Variants in WDR87 observed in about 807,000 individuals in gnomAD.
WDR87 encodes WD repeat domain 87.
Under a neutral mutation model 83.3 loss-of-function variants are expected in WDR87, and 56 were observed. That is an observed-to-expected ratio of 0.67 (90% CI 0.54 to 0.84). The LOEUF (loss-of-function observed/expected upper bound fraction) is 0.84. Among genes scored for constraint, WDR87 ranks in the 40% least tolerant of loss-of-function variants. The probability of loss-of-function intolerance (pLI) is 0.00; values close to 1 mark genes in which losing one functional copy is unlikely to be tolerated. For synonymous variants in WDR87, 1,173 were observed against 1,250.6 expected, an observed-to-expected ratio of 0.94 and a Z score of 1.31; for missense variants, 2,939 against 3,431.9, an observed-to-expected ratio of 0.86 and a Z score of 3.59.
chr19:37,897,478 G>T lies in WDR87; in HGVS notation c.75+687C>A, dbSNP rs1315568492. On this transcript the variant is annotated intron_variant, in intron 2 of 5. Coordinates refer to ENST00000447313, the MANE Select transcript of WDR87 (RefSeq NM_001291088.2). ...GCCTACCTCGCCCTGGCAAAGTGCT[G>T]ACATTACAGGCATAAGCCACCACGC... Among the ~76,000 whole-genome samples, 4 of 151,952 alleles carry T rather than the reference G, an allele frequency of 2.6e-5. No individual in the cohort carries two copies. The East Asian group carries it at 7.8e-4, about 30-fold the overall frequency.
chr19:37,902,660 C>T (rs1483177058), intron 1 of WDR87, among the ~76,000 whole-genome samples: 2 of 152,220 alleles, frequency 1.3e-5, no homozygotes, highest in East Asian at 1.9e-4. Context: ...TGGGTGTTGA[C>T]ACTGGAACTA....
rs1480837828 is a variant in WDR87 at position 37,890,268 on chromosome 19, A to G, written c.3403T>C (p.Trp1135Arg). The G allele has an allele frequency of 6.6e-7, 1 of 1,521,356 alleles. No individual in the cohort carries two copies. Among genetic ancestry groups the G allele is most frequent in the Non-Finnish European group, 8.8e-7 (1 of 1,130,502 alleles). The allele number at this position is 1,521,356 out of a possible 1,614,324, so 94.2% of individuals were successfully genotyped here. A position where few individuals can be genotyped will look rare whatever the true frequency, so the allele number is the denominator to read the frequency against. ...QAGVKKHSQK[W>R]LRGLKKTKER... ...TTCGTCTTCTTGAGACCCCGCAACCATTTTTGGCCTGCAGTAAAAATCGAG... is the reference window on the plus strand; with the variant it reads ...TTCGTCTTCTTGAGACCCCGCAACCGTTTTTGGCCTGCAGTAAAAATCGAG... The change falls in exon 6 of 6, where the codon TGG becomes CGG. Residue 1135 changes from tryptophan (W) to arginine (R), a missense_variant. By Grantham distance (101) the Trp-to-Arg change is moderately radical (BLOSUM62 -3). This residue lies in a region of WDR87 where 2,160 missense variants were observed against 2,533.1 expected (regional missense o/e 0.85). Coordinates refer to ENST00000447313, the MANE Select transcript of WDR87 (RefSeq NM_001291088.2).
In WDR87 at chr19:37,895,141, G is replaced by C. The variant is rs1427355168; in HGVS notation, c.562C>G (p.His188Asp). Residue 188 changes from histidine to aspartate, a missense_variant, in exon 4 of 6, where the codon CAC (histidine) becomes GAC (aspartate). Transcript: ENST00000447313. The part of the protein sequence containing the change: ...ELGGTGLQIA[H>D]MVSMPGDELV... ...TCATCACCTGGCATGGAGACCATGT[G>C]GGCTATTTGGAGGCCCGTGCCACCT... The C allele has an allele frequency of 6.4e-7, 1 of 1,551,588 alleles. No homozygotes were observed. Among genetic ancestry groups the C allele is most frequent in the Non-Finnish European group, 8.7e-7 (1 of 1,147,012 alleles).
rs2046165633 is a variant in WDR87, at chr19:37,887,958, T to G, written c.5713A>C (p.Arg1905=). The part of the protein sequence containing the change: ...RKENLLYNKE[R]LTHSKKQLVQ... ...AATTGCTTTTTGCTGTGGGTGAGTCTTTCTTTATTATAGAGTAGGTTCTCT... is the reference window on the plus strand; with the variant it reads ...AATTGCTTTTTGCTGTGGGTGAGTCGTTCTTTATTATAGAGTAGGTTCTCT... The change falls in exon 6 of 6, where the codon AGA becomes CGA. Residue 1905 remains arginine, a synonymous_variant. Coordinates refer to ENST00000447313, the MANE Select transcript of WDR87 (RefSeq NM_001291088.2). 4.5e-6 allele frequency: 7 copies of G among 1,551,034 alleles called. No homozygotes were observed. The highest frequency in any genetic ancestry group is 5.2e-6 in the Non-Finnish European group (6 of 1,146,922).
chr19:37,890,123 G>C lies in WDR87; in HGVS notation c.3548C>G (p.Thr1183Ser). 6.4e-7 allele frequency: 1 copy of C among 1,551,930 alleles called. No homozygotes were observed. Among genetic ancestry groups the C allele is most frequent in the Non-Finnish European group, 8.7e-7 (1 of 1,147,058 alleles). The change falls in exon 6 of 6, where the codon ACC (threonine) becomes AGC (serine). Residue 1183 changes from threonine (T) to serine (S), a missense_variant. By Grantham distance (58) the Thr-to-Ser change is moderately conservative. Around this residue, in one of 3 missense-constraint regions of WDR87, gnomAD observed 2,160 missense variants for 2,533.1 expected, o/e 0.85. Transcript: ENST00000447313. ...ASVYSQWSSS[T>S]SVIKLSKDVD... ...ATCTTTTGAGAGCTTTATTACACTG[G>C]TGCTTGAAGACCATTGGGAATAGAC...
chr19:37,885,845 T>A lies in WDR87; in HGVS notation c.7826A>T (p.His2609Leu), dbSNP rs10408510. 1,215,242 of 1,551,748 alleles carry A rather than the reference T, an allele frequency of 0.78. 478,752 individuals carry two copies. The highest frequency in any genetic ancestry group is 0.94 in the African/African-American group (68,725 of 73,136). The change falls in exon 6 of 6, where the codon CAT (histidine) becomes CTT (leucine). Residue 2609 changes from histidine (H) to leucine (L), a missense_variant. Physicochemically the swap from His to Leu is moderately conservative, Grantham distance 99 (BLOSUM62 -3). Transcript: ENST00000447313. The part of the protein sequence containing the change: ...GNLEWLHLAK[H>L]EAIVYRHRQA... ...TCTGTGACGGTACACAATGGCTTCA[T>A]GTTTGGCCAGATGCAGCCATTCTAA...
chr19:37,889,032 C>T lies in WDR87; in HGVS notation c.4639G>A (p.Glu1547Lys). 1.3e-6 allele frequency: 2 copies of T among 1,552,104 alleles called. No individual in the cohort carries two copies. Among genetic ancestry groups the T allele is most frequent in the South Asian group, 1.2e-5 (1 of 84,062 alleles). ...AGCTTCTTGTCCTCCTGAAGCATTT[C>T]CTCCTCCGGGGATAGCTTCTCTCCA... ...QAGEKLSPEEEMLQEDKKLKW... is the reference protein window; with the variant it reads ...QAGEKLSPEEKMLQEDKKLKW... Residue 1547 changes from glutamate to lysine, a missense_variant, in exon 6 of 6, where the codon GAA (glutamate) becomes AAA (lysine). This residue lies in a region of WDR87 where 2,160 missense variants were observed against 2,533.1 expected (regional missense o/e 0.85). Transcript: ENST00000447313.
intron 1 of WDR87, among the ~76,000 whole-genome samples, chr19:37,904,446 C>A (rs2145447518): frequency 6.6e-6 from 1 of 151,578 alleles, no homozygotes; most frequent in Non-Finnish European, 1.5e-5. Context: ...GCAACTTCTG[C>A]CTCCTGAGTT....
Position 37,887,642 on chromosome 19 carries a change from G to T in WDR87, c.6029C>A (p.Ala2010Asp). The T allele has an allele frequency of 1.3e-6, 2 of 1,552,068 alleles. No individual in the cohort carries two copies. Among genetic ancestry groups the T allele is most frequent in the Non-Finnish European group, 1.7e-6 (2 of 1,147,072 alleles). The change falls in exon 6 of 6, where the codon GCT becomes GAT. Residue 2010 changes from alanine (A) to aspartate (D), a missense_variant. Around this residue, in one of 3 missense-constraint regions of WDR87, gnomAD observed 2,160 missense variants for 2,533.1 expected, o/e 0.85. Coordinates refer to ENST00000447313, the MANE Select transcript of WDR87 (RefSeq NM_001291088.2). ...CTCAACCAGTCTCATCTTCTCCTCA[G>T]CCAGTCTTTTCATTTCCAGGTTCAA... ...KALNLEMKRL[A>D]EEKMRLVEGK...
chr19:37,903,346 G>C (rs2046304050), intron 1 of WDR87, among the ~76,000 whole-genome samples: 1 of 152,188 alleles, frequency 6.6e-6, no homozygotes, highest in African/African-American at 2.4e-5. Flanking sequence ...GCATAGCTAG[G>C]GCTGGGGGTG....
At chr19:37,902,660 C>A (rs1483177058) in intron 1 of WDR87, among the ~76,000 whole-genome samples, 1 of 152,220 alleles carries the variant, frequency 6.6e-6, no homozygotes, top group South Asian at 2.1e-4. Context: ...TGGGTGTTGA[C>A]ACTGGAACTA....
At chr19:37,891,209 G>T (rs910042414) in intron 5 of WDR87, among the ~76,000 whole-genome samples, 1 of 149,882 alleles carries the variant, frequency 6.7e-6, no homozygotes, top group Non-Finnish European at 1.5e-5. Flanking sequence ...TGTCACCCAG[G>T]CTGGAGTGCA....
intron 3 of WDR87, among the ~76,000 whole-genome samples, chr19:37,895,848 T>G (rs932412106): frequency 1.3e-5 from 2 of 151,894 alleles, no homozygotes; most frequent in Non-Finnish European, 2.9e-5. Flanking sequence ...CCATGTTTTA[T>G]GTTAAGGAGG....
At position 37,886,665 on chromosome 19, in the gene WDR87, CCTT is replaced by C. The variant is rs771285686; in HGVS notation, c.7003_7005del (p.Lys2335del). 799 of 1,499,860 alleles carry C rather than the reference CCTT, an allele frequency of 5.3e-4. 1 individual carries two copies. The highest frequency in any genetic ancestry group is 1.1e-3 in the Admixed American group (55 of 48,674). The allele number at this position is 1,499,860 out of a possible 1,614,324, so 92.9% of individuals were successfully genotyped here. ...ACTTCTTCCTTCTCCTGAACCTCCTCCTTCTTCTTTTCCTTTTTCTTCTTCTTC... is the reference window on the plus strand; with the variant it reads ...ACTTCTTCCTTCTCCTGAACCTCCTCCTTCTTTTCCTTTTTCTTCTTCTTC... On this transcript the variant is annotated inframe_deletion, in exon 6 of 6. Coordinates refer to ENST00000447313, the MANE Select transcript of WDR87 (RefSeq NM_001291088.2).
In WDR87 at chr19:37,889,660, A is replaced by T; in HGVS notation, c.4011T>A (p.Ser1337Arg). The change falls in exon 6 of 6, where the codon AGT becomes AGA. Residue 1337 changes from serine to arginine, a missense_variant. Coordinates refer to ENST00000447313, the MANE Select transcript of WDR87 (RefSeq NM_001291088.2). The part of the protein sequence containing the change: ...QEICPLLKKE[S>R]KVLLEDLDWD... Reference sequence around the variant, plus strand: ...AATCAAGGTCCTCAAGCAGAACCTTACTTTCTTTCTTCAATAGGGGGCAGA... The same window carrying T: ...AATCAAGGTCCTCAAGCAGAACCTTTCTTTCTTTCTTCAATAGGGGGCAGA... 1 of 1,551,778 alleles carries T rather than the reference A, an allele frequency of 6.4e-7. No individual in the cohort carries two copies. Among genetic ancestry groups the T allele is most frequent in the Non-Finnish European group, 8.7e-7 (1 of 1,147,040 alleles).
rs557031994 is a variant in WDR87, at chr19:37,885,907, C to G, written c.7764G>C (p.Leu2588=). ...EQLSRDGFHR[L]CQLLKDLASK... ...AGGCAAGGTCTTTGAGCAGCTGGCA[C>G]AGTCTATGGAAACCATCCCTGGAAA... Residue 2588 remains leucine (L), a synonymous_variant, in exon 6 of 6, where the codon CTG becomes CTC. Transcript: ENST00000447313. The G allele has an allele frequency of 6.4e-7, 1 of 1,552,320 alleles. No homozygotes were observed. Among genetic ancestry groups the G allele is most frequent in the East Asian group, 2.4e-5 (1 of 40,922 alleles).
rs1400695842 is a variant in WDR87, at chr19:37,889,615, C to T, written c.4056G>A (p.Glu1352=). Residue 1352 remains glutamate, a synonymous_variant, in exon 6 of 6, where the codon GAG becomes GAA. Transcript: ENST00000447313. ...EDLDWDVVPP[E]KKPIFIQEGA... The stretch of plus-strand genomic sequence containing the variant: ...CTTCCTGGATAAAAATTGGTTTCTT[C>T]TCTGGCGGGACTACATCCCAATCAA... 1 of 1,551,820 alleles carries T rather than the reference C, an allele frequency of 6.4e-7. No individual in the cohort carries two copies. Among genetic ancestry groups the T allele is most frequent in the East Asian group, 2.4e-5 (1 of 40,904 alleles).
rs776647293 is a variant in WDR87 at position 37,889,556 on chromosome 19, G to A, written c.4115C>T (p.Thr1372Ile). Residue 1372 changes from threonine to isoleucine, a missense_variant, in exon 6 of 6, where the codon ACC becomes ATC. Thr to Ile is a moderately conservative substitution (Grantham distance 89). Coordinates refer to ENST00000447313, the MANE Select transcript of WDR87 (RefSeq NM_001291088.2). ...TTCCTTGTGTCTGATCACCTCTTGGGTCACACCTTGTATCATGTCCTCTCT... is the reference window on the plus strand; with the variant it reads ...TTCCTTGTGTCTGATCACCTCTTGGATCACACCTTGTATCATGTCCTCTCT... ...AIREDMIQGV[T>I]QEVIRHKEVM... 3.2e-6 allele frequency: 5 copies of A among 1,551,560 alleles called. No individual in the cohort carries two copies. Among genetic ancestry groups the A allele is most frequent in the South Asian group, 1.2e-5 (1 of 84,042 alleles).
intron 5 of WDR87, among the ~76,000 whole-genome samples, chr19:37,890,621 A>G (rs1281301208): frequency 6.6e-6 from 1 of 152,152 alleles, no homozygotes; most frequent in Non-Finnish European, 1.5e-5. Context: ...AAATGTATAC[A>G]CTTTTGTAAT....
Sources: gnomAD v4.1 joint callset for allele counts (sites outside exome capture counted in the v4.1 genomes callset) on GRCh38, gnomAD v4.1.1 for gene constraint, gnomAD v4.1.1 regional missense constraint, MANE v1.5 for transcripts, NCBI Gene and HGNC (gene_info 2026-07-23, HGNC 2026-07-21) for gene names.